CASK: variants seen among roughly 807,000 people sequenced by gnomAD.
The protein encoded by CASK is peripheral plasma membrane protein CASK.
Under a neutral mutation model 82.9 loss-of-function variants are expected in CASK, and 4 were observed. The ratio of observed to expected loss-of-function variants is 0.05; its 90% CI spans 0.02 to 0.11. The LOEUF (loss-of-function observed/expected upper bound fraction) is 0.11, where lower values mean the gene tolerates loss of function less well. CASK is among the 10% of genes least tolerant of loss of function. The pLI is 1.00. For missense variants in CASK, 358 were observed against 720.9 expected, an observed-to-expected ratio of 0.50 and a Z score of 5.76; for synonymous variants, 259 against 253.5, an observed-to-expected ratio of 1.02 and a Z score of -0.20.
chrX:41,856,847 G>A (rs2071382583), intron 1 of CASK, among the ~76,000 whole-genome samples: 1 of 106,765 alleles, frequency 9.4e-6, no homozygotes, highest in African/African-American at 3.4e-5. Flanking sequence ...GGAAACACAA[G>A]GCTGTTGAGG....
chrX:41,764,208 A>C (rs1438545171), intron 3 of CASK, among the ~76,000 whole-genome samples: 1 of 109,797 alleles, frequency 9.1e-6, no homozygotes, highest in East Asian at 2.9e-4. Context: ...TTCCTGATAC[A>C]CTTTTTTTTT....
intron 15 of CASK, among the ~76,000 whole-genome samples, chrX:41,577,763 A>G (rs1013932337): frequency 3.6e-5 from 4 of 111,558 alleles, no homozygotes; most frequent in African/African-American, 1.3e-4. Flanking sequence ...CGAGAATTCT[A>G]TGAGAATGGA....
chrX:41,900,036 T>C (rs2072339900), intron 1 of CASK, among the ~76,000 whole-genome samples: 2 of 108,811 alleles, frequency 1.8e-5, no homozygotes, highest in Admixed American at 9.7e-5. Context: ...GGTTGGCAGG[T>C]TTTTTGTTTT....
At chrX:41,612,621 T>C (rs2066097219) in intron 11 of CASK, among the ~76,000 whole-genome samples, 2 of 83,081 alleles carry the variant, frequency 2.4e-5, no homozygotes, top group African/African-American at 4.7e-5. Context: ...GGAGCCCCTC[T>C]GCCCGGCCAG....
At chrX:41,613,511 C>T (rs1271548269) in intron 11 of CASK, among the ~76,000 whole-genome samples, 151 of 94,642 alleles carry the variant, frequency 1.6e-3, no homozygotes, top group African/African-American at 5.6e-3. Context: ...CCGCAGGGTC[C>T]TCTGCCTAGG....
At chrX:41,522,530 C>G (rs1195132497) in intron 26 of CASK, among the ~76,000 whole-genome samples, 1 of 111,776 alleles carries the variant, frequency 8.9e-6, no homozygotes, top group Non-Finnish European at 1.9e-5. Context: ...GCAAAAAACG[C>G]CATTTTAGCA....
intron 16 of CASK, among the ~76,000 whole-genome samples, chrX:41,564,217 A>G (rs925884212): frequency 1.8e-5 from 2 of 112,625 alleles, no homozygotes; most frequent in Admixed American, 9.4e-5. Flanking sequence ...ATTCTGAAAG[A>G]GCATTTGATT....
At chrX:41,729,749 CAAAAAAAAAAAAAAAAA>C (rs1162361118) in intron 5 of CASK, 9 of 14,114 alleles carry the variant, frequency 6.4e-4, no homozygotes, top group Admixed American at 1.6e-3. Context: ...GACTCTGTCT[CAAAAAAAAAAAAAAAAA>C]AAAAAAAAAA....
intron 2 of CASK, among the ~76,000 whole-genome samples, chrX:41,804,852 C>G (rs1039315767): frequency 4.8e-5 from 5 of 104,651 alleles, no homozygotes; most frequent in African/African-American, 1.7e-4. Flanking sequence ...AGTGTTTGTT[C>G]TCTATAATAA....
intron 5 of CASK, among the ~76,000 whole-genome samples, chrX:41,700,093 C>T (rs1038537001): frequency 1.8e-5 from 2 of 111,903 alleles, no homozygotes; most frequent in East Asian, 5.6e-4. Flanking sequence ...AATGAATTGT[C>T]TGGCTGTCAG....
chrX:41,572,577 C>T (rs1305269563), intron 15 of CASK, among the ~76,000 whole-genome samples: 5 of 110,397 alleles, frequency 4.5e-5, no homozygotes, highest in Non-Finnish European at 5.6e-5. Flanking sequence ...ATATAAGAGC[C>T]TTACAATAGT....
intron 3 of CASK, among the ~76,000 whole-genome samples, chrX:41,746,330 T>C (rs941837280): frequency 9.0e-6 from 1 of 111,459 alleles, no homozygotes; most frequent in African/African-American, 3.3e-5. Context: ...CCATTTTCTT[T>C]TTTACTTTTG....
chrX:41,526,796 T>C (rs1256063413), intron 25 of CASK, among the ~76,000 whole-genome samples: 1 of 112,074 alleles, frequency 8.9e-6, no homozygotes, highest in African/African-American at 3.2e-5. Flanking sequence ...GCTTTTTCTA[T>C]TTCTATACTT....
intron 3 of CASK, among the ~76,000 whole-genome samples, chrX:41,764,822 T>C (rs1298146420): frequency 9.0e-6 from 1 of 111,669 alleles, no homozygotes; most frequent in African/African-American, 3.3e-5. Flanking sequence ...AAACAACCTT[T>C]AAAAATGGTG....
In CASK at chrX:41,814,070, A is replaced by G. The variant is rs773023227; in HGVS notation, c.173-26787T>C. Among the ~76,000 whole-genome samples the G allele has an allele frequency of 4.4e-3, 492 of 112,157 alleles. 4 individuals carry two copies. The highest frequency in any genetic ancestry group is 7.3e-3 in the Non-Finnish European group (388 of 53,182). On this transcript the variant is annotated intron_variant, in intron 2 of 26. Transcript: ENST00000378163. ...ACCATCTCACACCAGTTAGAATGGC[A>G]ATCATTAAAATGTCAGCAAACAACA...
intron 5 of CASK, chrX:41,729,811 T>C (rs1323354529): frequency 2.0e-5 from 2 of 99,376 alleles, no homozygotes; most frequent in Non-Finnish European, 4.4e-5. Context: ...TATATATGTA[T>C]GTATGTATGT....
At chrX:41,537,585 T>C (rs1385023503) in intron 22 of CASK, among the ~76,000 whole-genome samples, 2 of 110,859 alleles carry the variant, frequency 1.8e-5, no homozygotes, top group East Asian at 5.6e-4. Context: ...TCATGCAATA[T>C]TCTAAACACA....
chrX:41,880,229 T>G (rs1008792122), intron 1 of CASK, among the ~76,000 whole-genome samples: 5 of 111,884 alleles, frequency 4.5e-5, no homozygotes, highest in African/African-American at 1.6e-4. Context: ...GAAGTACAGG[T>G]AGCACAAAGA....
chrX:41,852,301 C>A (rs1176726613), intron 2 of CASK, among the ~76,000 whole-genome samples: 2 of 111,364 alleles, frequency 1.8e-5, no homozygotes, highest in Admixed American at 1.9e-4. Context: ...CTACACTGCC[C>A]TAGATTTTCC....
Sources: allele counts gnomAD v4.1 joint callset (sites outside exome capture counted in the v4.1 genomes callset), GRCh38; gene constraint gnomAD v4.1.1; transcripts MANE v1.5; gene names NCBI Gene and HGNC (gene_info 2026-07-23, HGNC 2026-07-21).